PDE4B: variants seen among roughly 807,000 people sequenced by gnomAD.
PDE4B encodes the protein phosphodiesterase 4B.
A neutral mutation model predicts 82.2 loss-of-function variants in PDE4B; 20 were observed. That is an observed-to-expected ratio of 0.24 (90% confidence interval 0.17 to 0.35). PDE4B has a LOEUF of 0.35. Ranked by LOEUF, PDE4B falls within the 10% of genes least tolerant of loss-of-function variation. PDE4B has a pLI of 1.00. For missense variants in PDE4B, 655 were observed against 907.2 expected (o/e 0.72, Z 3.57); for synonymous variants, 320 against 318.9 (o/e 1.00, Z -0.04).
intron 8 of PDE4B, among the ~76,000 whole-genome samples, chr1:66,350,594 T>A (rs983905116): frequency 5.3e-5 from 8 of 152,170 alleles, no homozygotes; most frequent in African/African-American, 1.9e-4. Flanking sequence ...TCCTGTGTTA[T>A]CACTATTCTG....
intron 1 of PDE4B, among the ~76,000 whole-genome samples, chr1:65,802,864 T>C (rs1246167616): frequency 1.3e-5 from 2 of 152,110 alleles, no homozygotes; most frequent in African/African-American, 2.4e-5. Context: ...AGCAAAAAAG[T>C]CACAATTTCC....
chr1:65,884,277 C>T (rs1646745354), intron 1 of PDE4B, among the ~76,000 whole-genome samples: 1 of 151,900 alleles, frequency 6.6e-6, no homozygotes, highest in Admixed American at 6.6e-5. Context: ...GCTGTGAATC[C>T]ATCTGGTCTT....
In PDE4B at chr1:65,808,762, A is replaced by G. The variant is rs143405554; in HGVS notation, c.-71+15514A>G. On this transcript the variant is annotated intron_variant, in intron 1 of 16. Coordinates refer to ENST00000341517, the MANE Select transcript of PDE4B (RefSeq NM_002600.4). ...CATTGGAAATGAATGTGGGTAGTAC[A>G]AAAGGTTTCTATGTGTATCCTGTAC... is the stretch of plus-strand genomic sequence containing the variant. Among the ~76,000 whole-genome samples the G allele has an allele frequency of 7.4e-3, 1,121 of 152,342 alleles. 12 individuals are homozygous for G. Among genetic ancestry groups the G allele is most frequent in the African/African-American group, 0.026 (1,073 of 41,580 alleles).
chr1:65,809,544 C>A (rs1645795890), intron 1 of PDE4B, among the ~76,000 whole-genome samples: 1 of 151,908 alleles, frequency 6.6e-6, no homozygotes. Flanking sequence ...ACTCATTTTT[C>A]ATATTGAAAT....
chr1:66,016,610 T>C (rs1652794982), intron 3 of PDE4B, among the ~76,000 whole-genome samples: 1 of 152,186 alleles, frequency 6.6e-6, no homozygotes, highest in Non-Finnish European at 1.5e-5. Context: ...AGAGGAAAAA[T>C]GCAAGGAACA....
In PDE4B at chr1:65,997,753, G is replaced by C. The variant is rs146897793; in HGVS notation, c.281+78918G>C. Among the ~76,000 whole-genome samples, 452 of 152,256 alleles carry C rather than the reference G, an allele frequency of 3.0e-3. 3 individuals are homozygous for C. The highest frequency in any genetic ancestry group is 0.01 in the African/African-American group (425 of 41,542). On this transcript the variant is annotated intron_variant, in intron 3 of 16. Transcript: ENST00000341517. ...TCTGGGCTTAGGAGACACAAAATGA[G>C]AAAAAGCCCTTGTCTTCAAAGAACT...
intron 3 of PDE4B, among the ~76,000 whole-genome samples, chr1:66,201,981 T>A (rs1164376624): frequency 5.3e-5 from 8 of 152,210 alleles, no homozygotes; most frequent in African/African-American, 1.2e-4. Flanking sequence ...CTTGTGGGCA[T>A]TTAGTGCTAT....
intron 3 of PDE4B, among the ~76,000 whole-genome samples, chr1:66,114,693 T>C (rs948216000): frequency 2.0e-5 from 3 of 148,162 alleles, no homozygotes; most frequent in Non-Finnish European, 4.4e-5. Flanking sequence ...TGGAGTGCAA[T>C]GGCACAATCT....
intron 8 of PDE4B, among the ~76,000 whole-genome samples, chr1:66,349,775 T>C (rs1270690320): frequency 6.6e-6 from 1 of 152,146 alleles, no homozygotes; most frequent in Non-Finnish European, 1.5e-5. Context: ...TTGTGGAAAT[T>C]GTTAGTTTCA....
chr1:66,174,924 A>G (rs1226085170), intron 3 of PDE4B, among the ~76,000 whole-genome samples: 1 of 152,164 alleles, frequency 6.6e-6, no homozygotes, highest in Non-Finnish European at 1.5e-5. Flanking sequence ...AGGGGAAGCA[A>G]GGCGCGTCTT....
At chr1:65,886,669 A>G (rs1261420710) in intron 1 of PDE4B, among the ~76,000 whole-genome samples, 2 of 152,196 alleles carry the variant, frequency 1.3e-5, no homozygotes, top group Non-Finnish European at 2.9e-5. Context: ...TTCACTTAAC[A>G]TAATGACCTC....
chr1:65,829,451 G>A (rs980464939), intron 1 of PDE4B, among the ~76,000 whole-genome samples: 1 of 152,126 alleles, frequency 6.6e-6, no homozygotes, highest in Non-Finnish European at 1.5e-5. Context: ...TAAAAATTAT[G>A]TATTTGACCT....
At chr1:66,165,201 A>AT (rs1337877185) in intron 3 of PDE4B, among the ~76,000 whole-genome samples, 3 of 152,170 alleles carry the variant, frequency 2.0e-5, no homozygotes, top group African/African-American at 7.2e-5. Flanking sequence ...ACTTCAGAGA[A>AT]TTGTTGGGAA....
At chr1:66,358,243 C>T (rs1662424099) in intron 9 of PDE4B, among the ~76,000 whole-genome samples, 1 of 152,170 alleles carries the variant, frequency 6.6e-6, no homozygotes, top group South Asian at 2.1e-4. Flanking sequence ...AATACCCTGT[C>T]AATCCTTTAA....
intron 3 of PDE4B, among the ~76,000 whole-genome samples, chr1:66,018,111 T>A (rs1370935244): frequency 1.3e-5 from 2 of 152,106 alleles, no homozygotes; most frequent in Non-Finnish European, 2.9e-5. Context: ...GACAGACGTT[T>A]CCATCTAAAG....
At chr1:66,243,289 G>T (rs576211463) in intron 3 of PDE4B, among the ~76,000 whole-genome samples, 21 of 152,268 alleles carry the variant, frequency 1.4e-4, no homozygotes, top group Admixed American at 9.2e-4. Flanking sequence ...AGAGGGGAGG[G>T]ATTGGAGAAA....
intron 4 of PDE4B, among the ~76,000 whole-genome samples, chr1:66,251,930 T>A (rs758782226): frequency 1.3e-5 from 2 of 152,114 alleles, no homozygotes; most frequent in Admixed American, 6.5e-5. Context: ...TGCAACATTT[T>A]AAAAAAATAG....
chr1:65,842,252 C>G (rs1320369135), intron 1 of PDE4B, among the ~76,000 whole-genome samples: 1 of 151,908 alleles, frequency 6.6e-6, no homozygotes, highest in African/African-American at 2.4e-5. Flanking sequence ...GGTCTCTCAA[C>G]ATTAAGAAAG....
chr1:65,854,210 A>G (rs1646366218), intron 1 of PDE4B, among the ~76,000 whole-genome samples: 1 of 151,460 alleles, frequency 6.6e-6, no homozygotes, highest in East Asian at 1.9e-4. Flanking sequence ...GCAAATATAT[A>G]TATACATTTA....
Sources: gnomAD v4.1 joint callset for allele counts (sites outside exome capture counted in the v4.1 genomes callset) on GRCh38, gnomAD v4.1.1 for gene constraint, MANE v1.5 for transcripts, NCBI Gene and HGNC (gene_info 2026-07-23, HGNC 2026-07-21) for gene names.